SYMPK: variants seen among roughly 807,000 people sequenced by gnomAD.
SYMPK encodes symplekin scaffold protein, also known as symplekin.
SYMPK carries 49 observed loss-of-function variants against 136.4 expected under a neutral mutation model. The ratio of observed to expected loss-of-function variants is 0.36; its 90% CI spans 0.29 to 0.46. The LOEUF is 0.46. Ranked by LOEUF, SYMPK falls within the 20% of genes least tolerant of loss-of-function variation. The pLI, the probability that SYMPK is intolerant of heterozygous loss-of-function variation, is 1.00. For synonymous variants in SYMPK, 766 were observed against 713.0 expected (o/e 1.07, Z -1.19); for missense variants, 1,365 against 1,690.0 (o/e 0.81, Z 3.37).
At chr19:45,839,045 C>CTATAAT (rs1971373804) in intron 9 of SYMPK, among the ~76,000 whole-genome samples, 3 of 152,180 alleles carry the variant, frequency 2.0e-5, no homozygotes, top group Non-Finnish European at 4.4e-5. Context: ...CGCCACCAGG[C>CTATAAT]CCAGCTAATT....
rs575812192 is a variant in SYMPK, at chr19:45,849,766, C to G, written c.300-890G>C. ...ACATGAGTTAAAATCCCAGCCTTGGCCAGGCGCAGTGGCTCACGCCTGTAA... is the reference window on the plus strand; with the variant it reads ...ACATGAGTTAAAATCCCAGCCTTGGGCAGGCGCAGTGGCTCACGCCTGTAA... On this transcript the variant is annotated intron_variant, in intron 5 of 26. Coordinates refer to ENST00000245934, the MANE Select transcript of SYMPK (RefSeq NM_004819.3). 7.9e-5 allele frequency among the ~76,000 whole-genome samples: 12 copies of G among 152,274 alleles called. No individual in the cohort carries two copies. The South Asian group carries it at 2.3e-3, about 29-fold the overall frequency.
intron 14 of SYMPK, chr19:45,828,744 G>T (rs1971102902): frequency 1.7e-6 from 1 of 581,782 alleles, no homozygotes; most frequent in African/African-American, 1.9e-5. Context: ...CAGAGCAAGT[G>T]GCAGAGCTGA....
chr19:45,823,688 A>C, intron 19 of SYMPK, 79 bp downstream of exon 19: 1 of 1,295,926 alleles, frequency 7.7e-7, no homozygotes, highest in South Asian at 1.2e-5. Flanking sequence ...CTGGGGACCC[A>C]GCAGCTCAGA....
Position 45,842,693 on chromosome 19 carries a change from A to AC in SYMPK, c.848-205_848-204insG, listed in dbSNP as rs1164065277. ...GTCTCCATCAGTATCAGTCAATCTT[A>AC]AAGAGAAAAACTCACCCTCTCTTTT... On this transcript the variant is annotated intron_variant, in intron 8 of 26. Coordinates refer to ENST00000245934, the MANE Select transcript of SYMPK (RefSeq NM_004819.3). 7 of 624,118 alleles carry AC rather than the reference A, an allele frequency of 1.1e-5. No homozygotes were observed. The African/African-American group carries it at 1.3e-4, about 11-fold the overall frequency. The allele number at this position is 624,118 out of a possible 1,614,324, so 38.7% of individuals were successfully genotyped here.
Position 45,835,226 on chromosome 19 carries a change from G to C in SYMPK, c.1245C>G (p.Val415=). 1 of 1,584,992 alleles carries C rather than the reference G, an allele frequency of 6.3e-7. No individual in the cohort carries two copies. Among genetic ancestry groups the C allele is most frequent in the Non-Finnish European group, 8.6e-7 (1 of 1,166,548 alleles). ...LLTPDNVANL[V]LISMVYLPEA... ...CGGGTAGGTACACCATGCTGATGAGGACCTGTGGGATGCCCAGGAAGAGAG... is the reference window on the plus strand; with the variant it reads ...CGGGTAGGTACACCATGCTGATGAGCACCTGTGGGATGCCCAGGAAGAGAG... The change falls in exon 11 of 27, where the codon GTC becomes GTG. Residue 415 remains valine, a splice_region_variant and synonymous_variant. Coordinates refer to ENST00000245934, the MANE Select transcript of SYMPK (RefSeq NM_004819.3).
chr19:45,847,698 G>A lies in SYMPK; in HGVS notation c.676+54C>T, dbSNP rs1971598577. 2.5e-6 allele frequency: 4 copies of A among 1,574,168 alleles called. No individual in the cohort carries two copies. The South Asian group carries it at 3.4e-5, about 14-fold the overall frequency. ...AGGGGGAGAGAGGGAGGGGCGTGAA[G>A]GAGAGGAAACTGGTGCAGGGCTGTC... On this transcript the variant is annotated intron_variant, in intron 7 of 26. Coordinates refer to ENST00000245934, the MANE Select transcript of SYMPK (RefSeq NM_004819.3).
intron 6 of SYMPK, 125 bp from the exon 7 acceptor site, chr19:45,848,126 G>C: frequency 1.6e-6 from 2 of 1,250,534 alleles, no homozygotes; most frequent in South Asian, 3.2e-5. Context: ...TTGGTTAACA[G>C]TTACTGAGTT....
chr19:45,861,233 C>CT (rs1375508717), intron 1 of SYMPK, among the ~76,000 whole-genome samples: 6 of 152,040 alleles, frequency 3.9e-5, no homozygotes, highest in African/African-American at 1.4e-4. Context: ...AACATTTCCA[C>CT]TTTTTTCATG....
rs1439272789 is a variant in SYMPK at position 45,818,118 on chromosome 19, G to A, written c.2922C>T (p.Asn974=). 7.1e-6 allele frequency: 11 copies of A among 1,553,032 alleles called. No individual in the cohort carries two copies. The highest frequency in any genetic ancestry group is 3.9e-5 in the Admixed American group (2 of 51,150). Residue 974 remains asparagine (N), a synonymous_variant, in exon 23 of 27, where the codon AAC becomes AAT. Coordinates refer to ENST00000245934, the MANE Select transcript of SYMPK (RefSeq NM_004819.3). ...CGGCCAGCACCTCTGACGTGTACACGTTCCGCTCCGCAAAGCACAGGTTGG... is the reference window on the plus strand; with the variant it reads ...CGGCCAGCACCTCTGACGTGTACACATTCCGCTCCGCAAAGCACAGGTTGG... ...KATNLCFAER[N]VYTSEVLAVV... is the part of the protein sequence containing the mutation.
chr19:45,825,258 G>A lies in SYMPK; in HGVS notation c.2403C>T (p.Asn801=). 6.2e-7 allele frequency: 1 copy of A among 1,614,196 alleles called. No individual in the cohort carries two copies. The highest frequency in any genetic ancestry group is 8.5e-7 in the Non-Finnish European group (1 of 1,180,030). The change falls in exon 18 of 27, where the codon AAC becomes AAT. Residue 801 remains asparagine, a synonymous_variant. Coordinates refer to ENST00000245934, the MANE Select transcript of SYMPK (RefSeq NM_004819.3). ...CCGCCAGTTCGTGGATCAGCTTGTG[G>A]TTCTGAGGCAGGAGGGCCAGGTAGA... ...LYLYLALLPQ[N]HKLIHELAAV... is the part of the protein sequence containing the mutation.
intron 17 of SYMPK, 65 bp from the exon 18 acceptor site, chr19:45,825,396 G>T (rs1971017890): frequency 1.3e-6 from 2 of 1,555,808 alleles, no homozygotes; most frequent in Non-Finnish European, 1.7e-6. Flanking sequence ...GGACCCTCAG[G>T]AATGTCCCTT....
At chr19:45,855,565 G>A (rs1399801565) in intron 1 of SYMPK, 7 of 151,858 alleles carry the variant, frequency 4.6e-5, no homozygotes, top group Admixed American at 1.3e-4. Flanking sequence ...AAAAGACTAT[G>A]GAACTGTAAC....
At chr19:45,859,667 A>G (rs1478633218) in intron 1 of SYMPK, among the ~76,000 whole-genome samples, 1 of 151,296 alleles carries the variant, frequency 6.6e-6, no homozygotes, top group Non-Finnish European at 1.5e-5. Context: ...AGTGGCTCAC[A>G]ATTGTAAACC....
chr19:45,847,838 CG>C lies in SYMPK; in HGVS notation c.589del (p.Arg197AlafsTer57). On this transcript the variant is annotated frameshift_variant, in exon 7 of 27. Coordinates refer to ENST00000245934, the MANE Select transcript of SYMPK (RefSeq NM_004819.3). LOFTEE classifies it high-confidence loss of function. ...TCGGGGTATCTCTGAGTCAGCCATGCGGGGTGACAGGGTGACAATGAGGCCC... is the reference window on the plus strand; with the variant it reads ...TCGGGGTATCTCTGAGTCAGCCATGCGGGTGACAGGGTGACAATGAGGCCC... ...VEGLIVTLSP[R>X]MADSEIPRRQ... 1 of 1,614,024 alleles carries C rather than the reference CG, an allele frequency of 6.2e-7. No individual in the cohort carries two copies. The highest frequency in any genetic ancestry group is 8.5e-7 in the Non-Finnish European group (1 of 1,180,010).
intron 25 of SYMPK, 105 bp downstream of exon 25, chr19:45,816,377 G>A: frequency 7.0e-7 from 1 of 1,428,440 alleles, no homozygotes; most frequent in Non-Finnish European, 9.3e-7. Flanking sequence ...AGGCAGGGGT[G>A]GCCTGAGTCT....
chr19:45,821,185 A>AG lies in SYMPK; in HGVS notation c.2893+198dup, dbSNP rs1394255763. The AG allele has an allele frequency of 2.4e-6, 1 of 416,596 alleles. No individual in the cohort carries two copies. Among genetic ancestry groups the AG allele is most frequent in the Admixed American group, 3.0e-5 (1 of 33,842 alleles). The allele number at this position is 416,596 out of a possible 1,614,324, so 25.8% of individuals were successfully genotyped here. ...AAAGGGTAAAACCTGGGAGGAAGGAAGGAGGAGGGAGGGAGGGAGGGAGGG... is the reference window on the plus strand; with the variant it reads ...AAAGGGTAAAACCTGGGAGGAAGGAAGGGAGGAGGGAGGGAGGGAGGGAGGG... On this transcript the variant is annotated intron_variant, in intron 22 of 26. Coordinates refer to ENST00000245934, the MANE Select transcript of SYMPK (RefSeq NM_004819.3). The surrounding 1 kb of genome is among the most constrained non-coding windows in gnomAD (Gnocchi z 4.4).
chr19:45,825,422 C>T lies in SYMPK; in HGVS notation c.2330-91G>A, dbSNP rs780875247. 1.8e-5 allele frequency: 26 copies of T among 1,472,884 alleles called. No homozygotes were observed. The Admixed American group carries it at 2.5e-4, about 14-fold the overall frequency. The allele number at this position is 1,472,884 out of a possible 1,614,324, so 91.2% of individuals were successfully genotyped here. A position where few individuals can be genotyped will look rare whatever the true frequency, so the allele number is the denominator to read the frequency against. ...AATGTCCCTTCTTGGGCAGTGGAGC[C>T]GGGGAGGGCAGAGAAGGGAGCCGGG... On this transcript the variant is annotated intron_variant, in intron 17 of 26. Transcript: ENST00000245934.
In SYMPK at chr19:45,834,157, A is replaced by G. The variant is rs556455477; in HGVS notation, c.1393+921T>C. 7.9e-4 allele frequency among the ~76,000 whole-genome samples: 121 copies of G among 152,230 alleles called. 1 individual carries two copies. In the East Asian group the frequency reaches 0.021, roughly 26 times the overall value. ...CAAAAAATTAGCCGGGCGTGGTGGC[A>G]GGCGCCTGTAGTCCCAGCTACTCGG... On this transcript the variant is annotated intron_variant, in intron 11 of 26. Coordinates refer to ENST00000245934, the MANE Select transcript of SYMPK (RefSeq NM_004819.3).
intron 8 of SYMPK, 95 bp downstream of exon 8, chr19:45,843,935 T>A: frequency 1.9e-6 from 2 of 1,073,016 alleles, no homozygotes; most frequent in Non-Finnish European, 1.2e-6. Flanking sequence ...AGAGCGAGAC[T>A]CTGTCTCAAA....
Sources: gnomAD v4.1 joint callset for allele counts (sites outside exome capture counted in the v4.1 genomes callset) on GRCh38, gnomAD v4.1.1 for gene constraint, Gnocchi (gnomAD v3.1) non-coding constraint, MANE v1.5 for transcripts, NCBI Gene and HGNC (gene_info 2026-07-23, HGNC 2026-07-21) for gene names.